PPP2R2B: variants seen among roughly 807,000 people sequenced by gnomAD.
PPP2R2B encodes protein phosphatase 2 regulatory subunit Bbeta.
In PPP2R2B, 5 loss-of-function variants were observed where a neutral mutation model predicts 46.0. That is an observed-to-expected ratio of 0.11 (90% CI 0.06 to 0.23). The LOEUF (loss-of-function observed/expected upper bound fraction) is 0.23. Ranked by LOEUF, PPP2R2B falls within the 10% of genes least tolerant of loss-of-function variation. The pLI, the probability that PPP2R2B is intolerant of heterozygous loss-of-function variation, is 1.00. For synonymous variants in PPP2R2B, 215 were observed against 206.7 expected, an observed-to-expected ratio of 1.04 and a Z score of -0.34; for missense variants, 367 against 575.0, an observed-to-expected ratio of 0.64 and a Z score of 3.70.
chr5:146,918,968 T>A (rs1763496109), intron 1 of PPP2R2B, among the ~76,000 whole-genome samples: 3 of 152,198 alleles, frequency 2.0e-5, no homozygotes, highest in Admixed American at 2.0e-4. Flanking sequence ...TAATTCACAG[T>A]TGTTTCACTA....
chr5:146,698,298 G>GAAAAA lies in PPP2R2B; in HGVS notation c.169-159_169-155dup, dbSNP rs779839513. Reference sequence around the variant, plus strand: ...GGCCATGATAGTCACTAGCACCTCTGAAAAAAAAAAAAAAAAAAAATATAT... The same window carrying GAAAAA: ...GGCCATGATAGTCACTAGCACCTCTGAAAAAAAAAAAAAAAAAAAAAAAAATATAT... On this transcript the variant is annotated intron_variant, in intron 3 of 9. Transcript: ENST00000394411. Among the ~76,000 whole-genome samples the GAAAAA allele has an allele frequency of 3.5e-4, 5 of 14,492 alleles. 1 individual carries two copies. In the Admixed American group the frequency reaches 4.6e-3, roughly 13 times the overall value. The allele number at this position is 14,492 out of a possible 152,430, so 9.5% of individuals were successfully genotyped here. A position where few individuals can be genotyped will look rare whatever the true frequency, so the allele number is the denominator to read the frequency against.
At chr5:146,824,637 C>G (rs570054646) in intron 2 of PPP2R2B, among the ~76,000 whole-genome samples, 1 of 151,808 alleles carries the variant, frequency 6.6e-6, no homozygotes, top group Non-Finnish European at 1.5e-5. Flanking sequence ...ATTTTTGAAA[C>G]GGGCTTTAAC....
intron 1 of PPP2R2B, among the ~76,000 whole-genome samples, chr5:146,934,648 A>G (rs1414538181): frequency 2.0e-5 from 3 of 151,488 alleles, no homozygotes; most frequent in African/African-American, 7.3e-5. Context: ...TTTGGCCTCA[A>G]CAAATATACC....
intron 2 of PPP2R2B, among the ~76,000 whole-genome samples, chr5:146,738,684 A>G (rs1232892301): frequency 6.6e-6 from 1 of 152,178 alleles, no homozygotes; most frequent in Non-Finnish European, 1.5e-5. Context: ...CAAGAGTCAG[A>G]TTCCTCATGG....
At chr5:146,796,409 C>T (rs973192339) in intron 2 of PPP2R2B, among the ~76,000 whole-genome samples, 1 of 152,188 alleles carries the variant, frequency 6.6e-6, no homozygotes, top group Non-Finnish European at 1.5e-5. Flanking sequence ...TGAGATAGAA[C>T]ACCACTTCCG....
In PPP2R2B at chr5:146,859,364, C is replaced by A. The variant is rs146538691; in HGVS notation, c.70+18638G>T. On this transcript the variant is annotated intron_variant, in intron 2 of 9. Transcript: ENST00000394411. The stretch of plus-strand genomic sequence containing the variant: ...TAATATTTAGCTGCTAATGTATCAA[C>A]CTGTTTGGAGAAGTTGGTTTATTGA... Among the ~76,000 whole-genome samples, 90 of 152,228 alleles carry A rather than the reference C, an allele frequency of 5.9e-4. 1 individual carries two copies. The highest frequency in any genetic ancestry group is 1.9e-3 in the African/African-American group (78 of 41,544).
intron 4 of PPP2R2B, among the ~76,000 whole-genome samples, chr5:146,694,073 T>C (rs1003249090): frequency 6.6e-6 from 1 of 152,160 alleles, no homozygotes; most frequent in Admixed American, 6.5e-5. Context: ...CACAGTACCA[T>C]TCGCCTTGAA....
chr5:147,037,560 C>T (rs1463207903), intron 1 of PPP2R2B, among the ~76,000 whole-genome samples: 2 of 151,986 alleles, frequency 1.3e-5, no homozygotes, highest in Non-Finnish European at 2.9e-5. Flanking sequence ...GAGAATTTTA[C>T]ATTGGGGTGT....
chr5:146,827,047 T>C (rs544674070), intron 2 of PPP2R2B, among the ~76,000 whole-genome samples: 11 of 152,340 alleles, frequency 7.2e-5, no homozygotes, highest in African/African-American at 2.4e-4. Context: ...AAGTTTCTGC[T>C]TCTTCCCCAT....
At chr5:146,835,181 T>C (rs1759205130) in intron 2 of PPP2R2B, among the ~76,000 whole-genome samples, 1 of 152,200 alleles carries the variant, frequency 6.6e-6, no homozygotes, top group Admixed American at 6.5e-5. Flanking sequence ...TCACTTGTAG[T>C]TATACTGTAG....
chr5:146,659,753 T>C (rs1776565050), intron 5 of PPP2R2B, among the ~76,000 whole-genome samples: 1 of 152,212 alleles, frequency 6.6e-6, no homozygotes, highest in Non-Finnish European at 1.5e-5. Context: ...CAAGGTCATA[T>C]TGTTGCCAAG....
At chr5:146,639,793 CA>C (rs1337698719) in intron 6 of PPP2R2B, among the ~76,000 whole-genome samples, 2 of 152,192 alleles carry the variant, frequency 1.3e-5, no homozygotes, top group Non-Finnish European at 2.9e-5. Flanking sequence ...TTTATCTAAA[CA>C]GTAACCCAAT....
intron 1 of PPP2R2B, among the ~76,000 whole-genome samples, chr5:147,001,029 T>A (rs757938409): frequency 6.6e-5 from 10 of 152,120 alleles, no homozygotes; most frequent in Non-Finnish European, 8.8e-5. Context: ...CTGGGTCAGG[T>A]GGGGACTTGG....
At chr5:146,981,894 T>G (rs1479777927) in intron 1 of PPP2R2B, among the ~76,000 whole-genome samples, 1 of 152,212 alleles carries the variant, frequency 6.6e-6, no homozygotes, top group Non-Finnish European at 1.5e-5. Context: ...CTCTGACTCA[T>G]AACCTCTGTA....
In PPP2R2B at chr5:146,583,146, TCTC is replaced by T. The variant is rs1159006044; in HGVS notation, c.*6798_*6800del. On this transcript the variant is annotated 3_prime_UTR_variant, in exon 10 of 10. Transcript: ENST00000394411. The stretch of plus-strand genomic sequence containing the variant: ...TCTGGAATATGCTTTTCCTTTCTCT[TCTC>T]CTGGATAACTCACTCCCTTTATCTT... 2 of 152,328 alleles carry T rather than the reference TCTC, an allele frequency of 1.3e-5. No individual in the cohort carries two copies. Among genetic ancestry groups the T allele is most frequent in the South Asian group, 2.1e-4 (1 of 4,816 alleles). The allele number at this position is 152,328 out of a possible 1,614,324, so 9.4% of individuals were successfully genotyped here.
intron 1 of PPP2R2B, among the ~76,000 whole-genome samples, chr5:146,891,738 T>C (rs1278203129): frequency 6.6e-6 from 1 of 152,182 alleles, no homozygotes; most frequent in Non-Finnish European, 1.5e-5. Flanking sequence ...AATGTAAAAA[T>C]GTAGAGGCAT....
intron 2 of PPP2R2B, among the ~76,000 whole-genome samples, chr5:146,737,680 G>A (rs1184942390): frequency 6.6e-6 from 1 of 152,094 alleles, no homozygotes; most frequent in Non-Finnish European, 1.5e-5. Flanking sequence ...TAGTATATAA[G>A]CCTTTCATCC....
intron 2 of PPP2R2B, among the ~76,000 whole-genome samples, chr5:146,836,640 G>C (rs1241037183): frequency 2.0e-5 from 3 of 152,148 alleles, no homozygotes; most frequent in South Asian, 2.1e-4. Context: ...TGAATAACCT[G>C]GTCTCTGTCA....
chr5:146,638,481 A>G, intron 6 of PPP2R2B, 66 bp from the exon 7 acceptor site: 5 of 1,419,050 alleles, frequency 3.5e-6, no homozygotes, highest in South Asian at 1.3e-5. Flanking sequence ...GGGGAGAATT[A>G]GCAATGGCAC....
Sources: gnomAD v4.1 joint callset for allele counts (sites outside exome capture counted in the v4.1 genomes callset) on GRCh38, gnomAD v4.1.1 for gene constraint, MANE v1.5 for transcripts, NCBI Gene and HGNC (gene_info 2026-07-23, HGNC 2026-07-21) for gene names.